Variants in SEMA6D observed in about 807,000 individuals in gnomAD.
SEMA6D encodes semaphorin 6D, also known as semaphorin-6D.
Under a neutral mutation model 106.6 loss-of-function variants are expected in SEMA6D, and 35 were observed. The observed-to-expected ratio is 0.33, with a 90% CI of 0.25 to 0.44. SEMA6D has a LOEUF of 0.44. Ranked by LOEUF, SEMA6D falls within the 20% of genes least tolerant of loss-of-function variation. The pLI is 1.00. For synonymous variants in SEMA6D, 499 were observed against 487.7 expected (o/e 1.02, Z -0.31); for missense variants, 1,185 against 1,345.9 (o/e 0.88, Z 1.87).
At chr15:47,228,027 T>A (rs2031906862) in intron 1 of SEMA6D, among the ~76,000 whole-genome samples, 1 of 143,364 alleles carries the variant, frequency 7.0e-6, no homozygotes, top group Admixed American at 7.1e-5. Context: ...CATATATTTT[T>A]TATATATATA....
At chr15:47,625,359 G>A (rs183984296) in intron 4 of SEMA6D, among the ~76,000 whole-genome samples, 170 of 152,246 alleles carry the variant, frequency 1.1e-3, no homozygotes, top group African/African-American at 3.9e-3. Context: ...AAGAAAATAG[G>A]CAATCATCTG....
intron 3 of SEMA6D, among the ~76,000 whole-genome samples, chr15:47,501,643 G>T (rs191643183): frequency 3.7e-4 from 56 of 152,252 alleles, no homozygotes; most frequent in African/African-American, 1.1e-3. Context: ...TCAGCAGAGG[G>T]TTTCTGGAAA....
chr15:47,732,825 G>A (rs2080208813), intron 1 of SEMA6D, among the ~76,000 whole-genome samples: 1 of 152,128 alleles, frequency 6.6e-6, no homozygotes, highest in African/African-American at 2.4e-5. Flanking sequence ...GCAAGAAAAT[G>A]CTACAAAAAT....
chr15:47,508,562 A>T (rs1394903674), intron 3 of SEMA6D, among the ~76,000 whole-genome samples: 1 of 152,260 alleles, frequency 6.6e-6, no homozygotes, highest in Non-Finnish European at 1.5e-5. Flanking sequence ...AGCAATTTCA[A>T]TCTGTGAACA....
intron 4 of SEMA6D, among the ~76,000 whole-genome samples, chr15:47,676,696 G>T (rs1303914698): frequency 6.6e-6 from 1 of 152,176 alleles, no homozygotes; most frequent in Non-Finnish European, 1.5e-5. Context: ...GCCAATGCAG[G>T]CTAGGGTACT....
At chr15:47,368,913 C>G (rs2039164094) in intron 1 of SEMA6D, among the ~76,000 whole-genome samples, 1 of 152,314 alleles carries the variant, frequency 6.6e-6, no homozygotes, top group East Asian at 1.9e-4. Flanking sequence ...CCTCAAGGAT[C>G]ACACCAAACA....
rs1288723377 is a variant in SEMA6D at position 47,764,206 on chromosome 15, T to C, written c.998T>C (p.Met333Thr). ...GGTTCTGCTGTCTGTGCATTTAGCA[T>C]GGATGACATTGAAAAAGTATTCAAA... ...IPGSAVCAFS[M>T]DDIEKVFKGR... is the part of the protein sequence containing the mutation. Residue 333 changes from methionine (M) to threonine (T), a missense_variant, in exon 11 of 19, where the codon ATG becomes ACG. By Grantham distance (81) the Met-to-Thr change is moderately conservative. This residue lies in a region of SEMA6D where 291 missense variants were observed against 423.8 expected (regional missense o/e 0.69). Coordinates refer to ENST00000536845, the MANE Select transcript of SEMA6D (RefSeq NM_001358351.3). 6.2e-7 allele frequency: 1 copy of C among 1,613,686 alleles called. No individual in the cohort carries two copies. The highest frequency in any genetic ancestry group is 1.7e-5 in the Admixed American group (1 of 59,982).
At chr15:47,351,655 G>A (rs57500723) in intron 1 of SEMA6D, among the ~76,000 whole-genome samples, 1 of 151,824 alleles carries the variant, frequency 6.6e-6, no homozygotes, top group Admixed American at 6.6e-5. Flanking sequence ...CTTGCCACTT[G>A]CCACTTGGTT....
chr15:47,262,621 T>A (rs1334318139), intron 1 of SEMA6D, among the ~76,000 whole-genome samples: 5 of 151,996 alleles, frequency 3.3e-5, no homozygotes, highest in African/African-American at 1.2e-4. Flanking sequence ...CAACTTAAGA[T>A]GAGATTTGTA....
chr15:47,248,495 A>G (rs2033326111), intron 1 of SEMA6D, among the ~76,000 whole-genome samples: 1 of 152,242 alleles, frequency 6.6e-6, no homozygotes, highest in Admixed American at 6.5e-5. Context: ...GGAATAATGA[A>G]TATTTGTAAT....
At chr15:47,585,926 G>C (rs1248517670) in intron 3 of SEMA6D, among the ~76,000 whole-genome samples, 2 of 152,182 alleles carry the variant, frequency 1.3e-5, no homozygotes, top group African/African-American at 4.8e-5. Flanking sequence ...TGTCTCCAAA[G>C]AGTTGTTATG....
chr15:47,616,412 C>T (rs2077007572), intron 4 of SEMA6D, among the ~76,000 whole-genome samples: 1 of 152,132 alleles, frequency 6.6e-6, no homozygotes, highest in South Asian at 2.1e-4. Context: ...CCTTGTGGTC[C>T]ACTTGCCTCA....
upstream of SEMA6D, among the ~76,000 whole-genome samples, chr15:47,716,119 TCA>T (rs1465110481): frequency 6.6e-6 from 1 of 152,078 alleles, no homozygotes; most frequent in African/African-American, 2.4e-5. Context: ...AGGAAAAAAA[TCA>T]CAGAGCTGTG....
chr15:47,772,099 T>C lies in SEMA6D; in HGVS notation c.*314T>C, dbSNP rs1162952327. 3.5e-6 allele frequency: 1 copy of C among 288,314 alleles called. No homozygotes were observed. The highest frequency in any genetic ancestry group is 6.5e-6 in the Non-Finnish European group (1 of 153,968). The allele number at this position is 288,314 out of a possible 1,614,324, so 17.9% of individuals were successfully genotyped here. ...TGATAACAGTACTCAGAAGAATCTG[T>C]GAACAAATACTTGAAAATGGGTTCA... On this transcript the variant is annotated 3_prime_UTR_variant, in exon 19 of 19. Transcript: ENST00000536845.
upstream of SEMA6D, among the ~76,000 whole-genome samples, chr15:47,716,291 G>C (rs572969215): frequency 3.3e-4 from 50 of 152,292 alleles, no homozygotes; most frequent in South Asian, 5.8e-3. Context: ...GATGAGTCCT[G>C]CAGCAGTTGC....
chr15:47,279,400 T>A (rs2142461153), intron 1 of SEMA6D, among the ~76,000 whole-genome samples: 1 of 142,418 alleles, frequency 7.0e-6, no homozygotes, highest in East Asian at 2.1e-4. Flanking sequence ...TTGCTGAAGT[T>A]GCTTATCAGC....
intron 1 of SEMA6D, among the ~76,000 whole-genome samples, chr15:47,302,069 A>G (rs975845351): frequency 6.6e-6 from 1 of 152,188 alleles, no homozygotes; most frequent in Non-Finnish European, 1.5e-5. Flanking sequence ...GTTAGCCCCT[A>G]CTGCATACAG....
At chr15:47,210,611 A>G (rs1425279219) in intron 1 of SEMA6D, among the ~76,000 whole-genome samples, 2 of 152,092 alleles carry the variant, frequency 1.3e-5, no homozygotes, top group East Asian at 3.9e-4. Flanking sequence ...CTAAAAATAC[A>G]AAAATCCGTG....
At chr15:47,632,114 T>A (rs1438246305) in intron 4 of SEMA6D, among the ~76,000 whole-genome samples, 1 of 148,200 alleles carries the variant, frequency 6.7e-6, no homozygotes, top group African/African-American at 2.6e-5. Context: ...CTGTTTTTTG[T>A]TTTTTAGATT....
Sources: allele counts gnomAD v4.1 joint callset (sites outside exome capture counted in the v4.1 genomes callset), GRCh38; gene constraint gnomAD v4.1.1; regional missense constraint gnomAD v4.1.1; transcripts MANE v1.5; gene names NCBI Gene and HGNC (gene_info 2026-07-23, HGNC 2026-07-21).